CDH12: variants seen among roughly 807,000 people sequenced by gnomAD.
CDH12 encodes the protein cadherin 12.
In CDH12, 41 loss-of-function variants were observed where a neutral mutation model predicts 74.1. The ratio of observed to expected loss-of-function variants is 0.55; its 90% CI spans 0.43 to 0.72. The LOEUF (loss-of-function observed/expected upper bound fraction) is 0.72, where lower values mean the gene tolerates loss of function less well. Among genes scored for constraint, CDH12 ranks in the 30% least tolerant of loss-of-function variants. The pLI is 0.00. For synonymous variants in CDH12, 399 were observed against 355.0 expected (o/e 1.12, Z -1.39); for missense variants, 945 against 977.2 (o/e 0.97, Z 0.44).
At chr5:22,489,160 C>A (rs1444342825) in intron 2 of CDH12, among the ~76,000 whole-genome samples, 4 of 128,288 alleles carry the variant, frequency 3.1e-5, no homozygotes, top group South Asian at 2.4e-4. Context: ...TGGGTTCACG[C>A]CATTCTCCTG....
chr5:22,535,219 G>A (rs1422311183), intron 1 of CDH12, among the ~76,000 whole-genome samples: 3 of 147,630 alleles, frequency 2.0e-5, no homozygotes, highest in Admixed American at 6.9e-5. Flanking sequence ...CAGTGGCGCG[G>A]TCTTGGCTCA....
intron 1 of CDH12, among the ~76,000 whole-genome samples, chr5:22,558,851 A>C (rs1738918791): frequency 6.6e-6 from 1 of 152,116 alleles, no homozygotes; most frequent in Non-Finnish European, 1.5e-5. Flanking sequence ...TGAAAGAAGA[A>C]GGGAAAGCGA....
intron 6 of CDH12, among the ~76,000 whole-genome samples, chr5:21,875,327 A>G (rs1751870813): frequency 6.6e-6 from 1 of 152,208 alleles, no homozygotes; most frequent in Non-Finnish European, 1.5e-5. Context: ...ACCTCATGGA[A>G]CTTATTTATG....
chr5:22,244,621 G>A, intron 3 of CDH12, among the ~76,000 whole-genome samples: 1 of 138,012 alleles, frequency 7.2e-6, no homozygotes, highest in African/African-American at 2.7e-5. Context: ...GAAGGAGGGA[G>A]GGAAGGAAGG....
intron 2 of CDH12, among the ~76,000 whole-genome samples, chr5:22,460,955 A>T (rs913472064): frequency 1.3e-5 from 2 of 148,590 alleles, no homozygotes; most frequent in Non-Finnish European, 3.0e-5. Flanking sequence ...TCCTGACCCC[A>T]GGTGATCCAC....
At chr5:22,720,521 A>G (rs770582022) in intron 1 of CDH12, among the ~76,000 whole-genome samples, 1 of 152,144 alleles carries the variant, frequency 6.6e-6, no homozygotes, top group Non-Finnish European at 1.5e-5. Flanking sequence ...GCACTGCTAT[A>G]AAGATAACCT....
At chr5:22,845,769 A>T (rs551830588) in intron 1 of CDH12, among the ~76,000 whole-genome samples, 4 of 152,284 alleles carry the variant, frequency 2.6e-5, no homozygotes, top group African/African-American at 9.6e-5. Flanking sequence ...TGAGAAAGGA[A>T]ATGGAGGGGC....
At chr5:22,618,272 A>C (rs1363088572) in intron 1 of CDH12, among the ~76,000 whole-genome samples, 1 of 152,132 alleles carries the variant, frequency 6.6e-6, no homozygotes, top group Non-Finnish European at 1.5e-5. Flanking sequence ...CCACAAGTTG[A>C]GAATTGCTAC....
chr5:22,787,898 C>T (rs945752489), intron 1 of CDH12, among the ~76,000 whole-genome samples: 4 of 152,088 alleles, frequency 2.6e-5, no homozygotes, highest in Non-Finnish European at 5.9e-5. Context: ...AGAGAAAAAC[C>T]AGGTTTTTCT....
intron 4 of CDH12, among the ~76,000 whole-genome samples, chr5:22,208,370 C>G (rs1187724247): frequency 1.3e-5 from 2 of 152,180 alleles, no homozygotes; most frequent in African/African-American, 4.8e-5. Context: ...ACAGTACTTC[C>G]TCTGAGAAGC....
Position 21,854,712 on chromosome 5 carries a change from A to G in CDH12, c.605T>C (p.Ile202Thr). Residue 202 changes from isoleucine to threonine, a missense_variant, in exon 7 of 15, where the codon ATT becomes ACT. Ile to Thr is a moderately conservative substitution (Grantham distance 89). Around this residue, in one of 3 missense-constraint regions of CDH12, gnomAD observed 791 missense variants for 792.8 expected, o/e 1.00. Coordinates refer to ENST00000382254, the MANE Select transcript of CDH12 (RefSeq NM_004061.5). ...YGNSARVVYS[I>T]LQGQPYFSID... ...AGAGAAATAAGGTTGTCCCTGAAGA[A>G]TGCTGTAAACGACTCTGGCACTGTT... 1 of 986,440 alleles carries G rather than the reference A, an allele frequency of 1.0e-6. No individual in the cohort carries two copies. The highest frequency in any genetic ancestry group is 1.5e-6 in the Non-Finnish European group (1 of 662,006). 61.1% of individuals were successfully genotyped at this position (986,440 alleles called of 1,614,324 possible). A position where few individuals can be genotyped will look rare whatever the true frequency, so the allele number is the denominator to read the frequency against.
At chr5:21,861,101 T>C (rs1751020401) in intron 6 of CDH12, among the ~76,000 whole-genome samples, 1 of 152,032 alleles carries the variant, frequency 6.6e-6, no homozygotes, top group Non-Finnish European at 1.5e-5. Context: ...CCACCTTCAC[T>C]GCGGATCAAA....
At chr5:22,308,175 C>T (rs1032322226) in intron 3 of CDH12, among the ~76,000 whole-genome samples, 1 of 152,024 alleles carries the variant, frequency 6.6e-6, no homozygotes, top group African/African-American at 2.4e-5. Context: ...CCCCCCGCGC[C>T]TGGCCTAGAT....
intron 3 of CDH12, among the ~76,000 whole-genome samples, chr5:22,359,603 C>T (rs1740712062): frequency 1.3e-5 from 2 of 152,170 alleles, no homozygotes; most frequent in African/African-American, 2.4e-5. Flanking sequence ...ACAGAACTCT[C>T]CACCCCAAAT....
chr5:22,596,298 G>C (rs770458525), intron 1 of CDH12, among the ~76,000 whole-genome samples: 12 of 140,954 alleles, frequency 8.5e-5, no homozygotes, highest in Non-Finnish European at 1.7e-4. Context: ...AAAATTAGCT[G>C]GGTGTGGTGG....
At chr5:21,962,406 T>A (rs1345447383) in intron 6 of CDH12, among the ~76,000 whole-genome samples, 5 of 152,208 alleles carry the variant, frequency 3.3e-5, no homozygotes, top group Non-Finnish European at 5.9e-5. Flanking sequence ...CACTTGTTAC[T>A]TCAACAATGT....
In CDH12 at chr5:21,975,149, A is replaced by T. The variant is rs1476233650; in HGVS notation, c.468T>A (p.Asn156Lys). The change falls in exon 6 of 15, where the codon AAT becomes AAA. Residue 156 changes from asparagine (N) to lysine (K), a missense_variant. By Grantham distance (94) the Asn-to-Lys change is moderately conservative (BLOSUM62 0). This residue lies in a region of CDH12 where 791 missense variants were observed against 792.8 expected (regional missense o/e 1.00). Coordinates refer to ENST00000382254, the MANE Select transcript of CDH12 (RefSeq NM_004061.5). ...AAGGTCCATCCAAAAACTTTGGCTC[A>T]TTATCATTAATATCCTGCACTTTGA... Reference protein sequence around the residue: ...FIIKVQDINDNEPKFLDGPYV... With the variant: ...FIIKVQDINDKEPKFLDGPYV... 2 of 1,597,116 alleles carry T rather than the reference A, an allele frequency of 1.3e-6. No homozygotes were observed. Among genetic ancestry groups the T allele is most frequent in the Admixed American group, 3.3e-5 (2 of 59,966 alleles).
chr5:22,235,029 C>A (rs1752515121), intron 3 of CDH12, among the ~76,000 whole-genome samples: 1 of 151,966 alleles, frequency 6.6e-6, no homozygotes. Flanking sequence ...AGCTTACAAG[C>A]ATATGAAATA....
intron 6 of CDH12, among the ~76,000 whole-genome samples, chr5:21,960,749 G>C (rs1756322495): frequency 6.6e-6 from 1 of 151,706 alleles, no homozygotes; most frequent in South Asian, 2.1e-4. Flanking sequence ...GTGTGTGTAG[G>C]TATGTCTGTA....
Sources: allele counts gnomAD v4.1 joint callset (sites outside exome capture counted in the v4.1 genomes callset), GRCh38; gene constraint gnomAD v4.1.1; regional missense constraint gnomAD v4.1.1; transcripts MANE v1.5; gene names NCBI Gene and HGNC (gene_info 2026-07-23, HGNC 2026-07-21).